UBE2R2: variants seen among roughly 807,000 people sequenced by gnomAD.
The protein encoded by UBE2R2 is ubiquitin conjugating enzyme E2 R2.
UBE2R2 carries 1 observed loss-of-function variant against 27.8 expected under a neutral mutation model. The ratio of observed to expected loss-of-function variants is 0.04; its 90% confidence interval spans 0.01 to 0.17. UBE2R2 has a LOEUF of 0.17. UBE2R2 is among the 10% of genes least tolerant of loss of function. The pLI is 1.00. For missense variants in UBE2R2, 100 were observed against 291.0 expected, an observed-to-expected ratio of 0.34 and a Z score of 4.78; for synonymous variants, 106 against 113.3, an observed-to-expected ratio of 0.94 and a Z score of 0.41.
At chr9:33,828,559 GTTAT>G (rs1156376027) in intron 1 of UBE2R2, among the ~76,000 whole-genome samples, 2 of 150,652 alleles carry the variant, frequency 1.3e-5, no homozygotes, top group African/African-American at 2.4e-5. Context: ...GCTAATTTTT[GTTAT>G]TTATTTATTT....
intron 1 of UBE2R2, among the ~76,000 whole-genome samples, chr9:33,819,215 A>G (rs1825915894): frequency 1.3e-5 from 2 of 152,194 alleles, no homozygotes; most frequent in African/African-American, 4.8e-5. Flanking sequence ...TATCTTAGTC[A>G]TGTAGTTGTG....
At chr9:33,864,444 A>G (rs984497765) in intron 1 of UBE2R2, among the ~76,000 whole-genome samples, 1 of 152,202 alleles carries the variant, frequency 6.6e-6, no homozygotes, top group Non-Finnish European at 1.5e-5. Context: ...AAATAATTCT[A>G]TTGTTATTAA....
chr9:33,850,792 C>A (rs1485319478), intron 1 of UBE2R2, among the ~76,000 whole-genome samples: 1 of 152,158 alleles, frequency 6.6e-6, no homozygotes, highest in Non-Finnish European at 1.5e-5. Flanking sequence ...CCCTACTCTT[C>A]CCCATTATTC....
intron 1 of UBE2R2, among the ~76,000 whole-genome samples, chr9:33,883,053 C>T (rs1821765288): frequency 6.6e-6 from 1 of 152,142 alleles, no homozygotes; most frequent in African/African-American, 2.4e-5. Flanking sequence ...CATGCCACTG[C>T]ACTTCAGCCT....
chr9:33,873,218 AC>A (rs1396780641), intron 1 of UBE2R2, among the ~76,000 whole-genome samples: 2 of 150,584 alleles, frequency 1.3e-5, no homozygotes, highest in Non-Finnish European at 3.0e-5. Context: ...CATAGATACT[AC>A]TTTAACTTAA....
intron 3 of UBE2R2, among the ~76,000 whole-genome samples, chr9:33,907,892 G>A (rs903759000): frequency 7.9e-5 from 12 of 151,918 alleles, no homozygotes; most frequent in African/African-American, 2.9e-4. Context: ...GCAATGGCAC[G>A]ATCTCGGCTC....
intron 4 of UBE2R2, among the ~76,000 whole-genome samples, chr9:33,912,682 A>G (rs960082863): frequency 1.5e-4 from 23 of 152,158 alleles, no homozygotes; most frequent in African/African-American, 5.5e-4. Context: ...TCCTGACCAT[A>G]GCAGCAAGGA....
chr9:33,897,932 C>T (rs762641455), intron 2 of UBE2R2, among the ~76,000 whole-genome samples: 1 of 151,524 alleles, frequency 6.6e-6, no homozygotes, highest in Non-Finnish European at 1.5e-5. Flanking sequence ...TGCACCACCA[C>T]GCCTGGCTAA....
chr9:33,865,064 T>C (rs1364996486), intron 1 of UBE2R2, among the ~76,000 whole-genome samples: 1 of 151,924 alleles, frequency 6.6e-6, no homozygotes, highest in African/African-American at 2.4e-5. Context: ...TCTTGACATG[T>C]TGCCCAGGCT....
intron 2 of UBE2R2, among the ~76,000 whole-genome samples, 184 bp downstream of exon 2, chr9:33,887,151 T>C (rs542932144): frequency 1.3e-5 from 2 of 152,346 alleles, no homozygotes; most frequent in African/African-American, 4.8e-5. Flanking sequence ...TTTTATAATA[T>C]CCTGTGTATA....
At chr9:33,862,965 G>A (rs1467140622) in intron 1 of UBE2R2, among the ~76,000 whole-genome samples, 2 of 152,042 alleles carry the variant, frequency 1.3e-5, no homozygotes, top group Non-Finnish European at 2.9e-5. Flanking sequence ...TAGGTGGGCA[G>A]ATCATGAGGT....
At position 33,912,104 on chromosome 9, in the gene UBE2R2, G is replaced by GTTT; in HGVS notation, c.497+15_497+17dup. On this transcript the variant is annotated splice_region_variant and intron_variant, in intron 4 of 4. Transcript: ENST00000263228. Reference sequence around the variant, plus strand: ...GAATATGCTGAAATTATTAGGTAAGGTTTTTTTTTTTATTACCTCAAGTTA... The same window carrying GTTT: ...GAATATGCTGAAATTATTAGGTAAGGTTTTTTTTTTTTTTATTACCTCAAGTTA... 4.5e-6 allele frequency: 6 copies of GTTT among 1,331,554 alleles called. No homozygotes were observed. In the Admixed American group the frequency reaches 6.2e-5, roughly 14 times the overall value. 82.5% of individuals were successfully genotyped at this position (1,331,554 alleles called of 1,614,324 possible). A position where few individuals can be genotyped will look rare whatever the true frequency, so the allele number is the denominator to read the frequency against.
In UBE2R2 at chr9:33,917,174, A is replaced by T; in HGVS notation, c.654A>T (p.Glu218Asp). 1 of 1,614,210 alleles carries T rather than the reference A, an allele frequency of 6.2e-7. No individual in the cohort carries two copies. Among genetic ancestry groups the T allele is most frequent in the East Asian group, 2.2e-5 (1 of 44,880 alleles). ...DDLYDDDIDD[E>D]DEEEEDADCY... ...TGTATGATGACGACATTGATGATGA[A>T]GATGAGGAGGAGGAAGATGCCGACT... Residue 218 changes from glutamate to aspartate, a missense_variant, in exon 5 of 5, where the codon GAA (glutamate) becomes GAT (aspartate). By Grantham distance (45) the Glu-to-Asp change is conservative. Coordinates refer to ENST00000263228, the MANE Select transcript of UBE2R2 (RefSeq NM_017811.4).
At chr9:33,871,402 T>TAC (rs1821481183) in intron 1 of UBE2R2, among the ~76,000 whole-genome samples, 1 of 152,204 alleles carries the variant, frequency 6.6e-6, no homozygotes, top group Non-Finnish European at 1.5e-5. Context: ...TCATTGAGGG[T>TAC]ACACTTAGTC....
At chr9:33,884,481 C>G (rs2130794177) in intron 1 of UBE2R2, among the ~76,000 whole-genome samples, 1 of 151,786 alleles carries the variant, frequency 6.6e-6, no homozygotes, top group South Asian at 2.1e-4. Context: ...GTCTCGCTAC[C>G]TTGCCTAGGC....
At chr9:33,882,858 G>A (rs1211922523) in intron 1 of UBE2R2, among the ~76,000 whole-genome samples, 1 of 152,140 alleles carries the variant, frequency 6.6e-6, no homozygotes, top group African/African-American at 2.4e-5. Flanking sequence ...GGAGTCTGAG[G>A]TGGACGGATC....
chr9:33,850,048 G>A (rs183696160), intron 1 of UBE2R2, among the ~76,000 whole-genome samples: 1 of 152,192 alleles, frequency 6.6e-6, no homozygotes, highest in East Asian at 1.9e-4. Context: ...GTGACACTTG[G>A]ATATTTACAC....
chr9:33,851,556 A>G (rs915333537), intron 1 of UBE2R2, among the ~76,000 whole-genome samples: 1 of 152,102 alleles, frequency 6.6e-6, no homozygotes, highest in Non-Finnish European at 1.5e-5. Context: ...AATCTCCTTC[A>G]ATTTGGGTAA....
chr9:33,919,672 T>C lies in UBE2R2; in HGVS notation c.*2435T>C, dbSNP rs1240557010. The stretch of plus-strand genomic sequence containing the variant: ...GACTGAACGAAACCCAGAGGCTGGT[T>C]CCAGAGCTCTGTCCCTGAGAACACA... On this transcript the variant is annotated 3_prime_UTR_variant, in exon 5 of 5. Coordinates refer to ENST00000263228, the MANE Select transcript of UBE2R2 (RefSeq NM_017811.4). The C allele has an allele frequency of 6.6e-6, 1 of 152,194 alleles. No homozygotes were observed. Among genetic ancestry groups the C allele is most frequent in the East Asian group, 1.9e-4 (1 of 5,192 alleles). 9.4% of individuals were successfully genotyped at this position (152,194 alleles called of 1,614,324 possible). A position where few individuals can be genotyped will look rare whatever the true frequency, so the allele number is the denominator to read the frequency against.
Sources: allele counts gnomAD v4.1 joint callset (sites outside exome capture counted in the v4.1 genomes callset), GRCh38; gene constraint gnomAD v4.1.1; transcripts MANE v1.5; gene names NCBI Gene and HGNC (gene_info 2026-07-23, HGNC 2026-07-21).